Variants in RASAL2 observed in about 807,000 individuals in gnomAD.
The protein encoded by RASAL2 is RAS protein activator like 2, also known as ras GTPase-activating protein nGAP.
Under a neutral mutation model 128.9 loss-of-function variants are expected in RASAL2, and 58 were observed. That is an observed-to-expected ratio of 0.45 (90% CI 0.36 to 0.56). The LOEUF (loss-of-function observed/expected upper bound fraction) is 0.56, where lower values mean the gene tolerates loss of function less well. Among genes scored for constraint, RASAL2 ranks in the 20% least tolerant of loss-of-function variants. RASAL2 has a pLI of 0.00. For synonymous variants in RASAL2, 561 were observed against 580.8 expected (o/e 0.97, Z 0.49); for missense variants, 1,360 against 1,601.6 (o/e 0.85, Z 2.57).
chr1:178,143,814 T>A (rs2101864530), intron 1 of RASAL2, among the ~76,000 whole-genome samples: 1 of 151,184 alleles, frequency 6.6e-6, no homozygotes, highest in African/African-American at 2.4e-5. Context: ...TAAAAATAAA[T>A]TTTCAAAAGA....
chr1:178,103,518 A>G (rs1179891234), intron 1 of RASAL2, among the ~76,000 whole-genome samples: 1 of 152,152 alleles, frequency 6.6e-6, no homozygotes, highest in Non-Finnish European at 1.5e-5. Flanking sequence ...CACATAATGA[A>G]TTATCACGAA....
intron 2 of RASAL2, among the ~76,000 whole-genome samples, chr1:178,286,982 A>C (rs1667059794): frequency 6.6e-6 from 1 of 152,070 alleles, no homozygotes; most frequent in Non-Finnish European, 1.5e-5. Context: ...TTATTTCAGC[A>C]ATCCTTCAAC....
At chr1:178,436,660 G>A (rs996139723) in intron 5 of RASAL2, among the ~76,000 whole-genome samples, 1 of 152,126 alleles carries the variant, frequency 6.6e-6, no homozygotes, top group Non-Finnish European at 1.5e-5. Flanking sequence ...ATAGCTTCTA[G>A]TAGGGGCATG....
At chr1:178,278,679 C>CT (rs1666639534) in intron 1 of RASAL2, among the ~76,000 whole-genome samples, 1 of 152,102 alleles carries the variant, frequency 6.6e-6, no homozygotes, top group Non-Finnish European at 1.5e-5. Flanking sequence ...ACTTATTGTC[C>CT]TTTCTCCCTT....
At chr1:178,141,148 A>AC (rs1002672725) in intron 1 of RASAL2, among the ~76,000 whole-genome samples, 5 of 146,754 alleles carry the variant, frequency 3.4e-5, no homozygotes, top group African/African-American at 1.3e-4. Flanking sequence ...AACACCTCTG[A>AC]CCAGGCCCCA....
At chr1:178,446,043 A>C (rs1676976618) in intron 9 of RASAL2, among the ~76,000 whole-genome samples, 1 of 152,286 alleles carries the variant, frequency 6.6e-6, no homozygotes, top group African/African-American at 2.4e-5. Context: ...TCATGCATGC[A>C]AAACTCTAAT....
At chr1:178,413,371 C>T (rs2102713932) in intron 4 of RASAL2, among the ~76,000 whole-genome samples, 1 of 152,290 alleles carries the variant, frequency 6.6e-6, no homozygotes, top group Non-Finnish European at 1.5e-5. Context: ...CCCCTTCCAC[C>T]TAAGTGGGGT....
chr1:178,343,830 G>A (rs565795456), intron 3 of RASAL2, among the ~76,000 whole-genome samples: 2 of 151,780 alleles, frequency 1.3e-5, no homozygotes, highest in African/African-American at 4.8e-5. Context: ...CCACTTTGTG[G>A]CTAAAGATAA....
In RASAL2 at chr1:178,442,953, T is replaced by C; in HGVS notation, c.1206T>C (p.Thr402=). 6.2e-7 allele frequency: 1 copy of C among 1,614,046 alleles called. No individual in the cohort carries two copies. Among genetic ancestry groups the C allele is most frequent in the Non-Finnish European group, 8.5e-7 (1 of 1,179,974 alleles). The stretch of plus-strand genomic sequence containing the variant: ...ATGTAGGGCTAGTCAACATCCCCAC[T>C]GCCAGTGTGACTGGTCGCCAATTTG... ...NNYVGLVNIP[T]ASVTGRQFVE... Residue 402 remains threonine (T), a synonymous_variant, in exon 8 of 18, where the codon ACT becomes ACC. Transcript: ENST00000367649.
chr1:178,375,709 G>T (rs1251733572), intron 3 of RASAL2, among the ~76,000 whole-genome samples: 1 of 152,078 alleles, frequency 6.6e-6, no homozygotes, highest in Non-Finnish European at 1.5e-5. Context: ...AGCAGAATTG[G>T]TGACATATTA....
At chr1:178,333,280 G>A (rs1669428534) in intron 3 of RASAL2, among the ~76,000 whole-genome samples, 1 of 152,074 alleles carries the variant, frequency 6.6e-6, no homozygotes, top group African/African-American at 2.4e-5. Context: ...GCCCGTCTCG[G>A]CCTCCCAAAG....
intron 3 of RASAL2, among the ~76,000 whole-genome samples, chr1:178,309,302 C>G (rs1215064676): frequency 6.6e-6 from 1 of 152,092 alleles, no homozygotes; most frequent in Non-Finnish European, 1.5e-5. Flanking sequence ...TATTTGACTA[C>G]TGTCTATAAG....
Position 178,416,387 on chromosome 1 carries a change from T to C in RASAL2, c.565-4124T>C, listed in dbSNP as rs138426607. On this transcript the variant is annotated intron_variant, in intron 4 of 17. Transcript: ENST00000367649. Reference sequence around the variant, plus strand: ...TTCCACCTTGTCATTTGTATCATTATTATTCATTTCCCTTATATATAAGTA... The same window carrying C: ...TTCCACCTTGTCATTTGTATCATTACTATTCATTTCCCTTATATATAAGTA... Among the ~76,000 whole-genome samples, 473 of 152,168 alleles carry C rather than the reference T, an allele frequency of 3.1e-3. 11 individuals carry two copies. The highest frequency in any genetic ancestry group is 5.0e-4 in the Non-Finnish European group (34 of 67,932).
chr1:178,331,926 T>C (rs1385615274), intron 3 of RASAL2, among the ~76,000 whole-genome samples: 1 of 152,144 alleles, frequency 6.6e-6, no homozygotes, highest in Non-Finnish European at 1.5e-5. Flanking sequence ...ACAAAGAACA[T>C]TTTTGGCATT....
At chr1:178,424,691 G>A (rs1404888081) in intron 5 of RASAL2, among the ~76,000 whole-genome samples, 1 of 151,892 alleles carries the variant, frequency 6.6e-6, no homozygotes, top group African/African-American at 2.4e-5. Flanking sequence ...CAAACTCCTG[G>A]GCTCAAGTGA....
At chr1:178,325,483 A>G (rs1242138549) in intron 3 of RASAL2, among the ~76,000 whole-genome samples, 1 of 152,226 alleles carries the variant, frequency 6.6e-6, no homozygotes, top group Admixed American at 6.6e-5. Context: ...TCATTCAGAT[A>G]TATGTATTAG....
chr1:178,192,076 G>A (rs1662514673), intron 1 of RASAL2, among the ~76,000 whole-genome samples: 1 of 152,038 alleles, frequency 6.6e-6, no homozygotes, highest in Admixed American at 6.6e-5. Context: ...AAAAACTCAA[G>A]ACCCCTTAAG....
chr1:178,432,175 C>T (rs1557984475), intron 5 of RASAL2, among the ~76,000 whole-genome samples: 2 of 151,530 alleles, frequency 1.3e-5, no homozygotes. Flanking sequence ...AAACCCATGT[C>T]TCCCTCTAGC....
At chr1:178,297,607 C>CAA (rs34825546) in intron 2 of RASAL2, among the ~76,000 whole-genome samples, 31 of 57,054 alleles carry the variant, frequency 5.4e-4, no homozygotes, top group African/African-American at 6.5e-4. Flanking sequence ...GACTCCATCT[C>CAA]AAAAAAAAAA....
Sources: allele counts gnomAD v4.1 joint callset (sites outside exome capture counted in the v4.1 genomes callset), GRCh38; gene constraint gnomAD v4.1.1; transcripts MANE v1.5; gene names NCBI Gene and HGNC (gene_info 2026-07-23, HGNC 2026-07-21).